The following PGAP4 variants were observed in gnomAD, a reference collection of about 807,000 sequenced individuals.
PGAP4 encodes the protein post-GPI attachment to proteins GalNAc transferase 4.
A neutral mutation model predicts 28.2 loss-of-function variants in PGAP4; 12 were observed. The observed-to-expected ratio is 0.42, with a 90% CI of 0.27 to 0.69. The LOEUF (loss-of-function observed/expected upper bound fraction) is 0.69, where lower values mean the gene tolerates loss of function less well. PGAP4 is among the 30% of genes least tolerant of loss of function. The probability of loss-of-function intolerance (pLI) is 0.22; values close to 1 mark genes in which losing one functional copy is unlikely to be tolerated. For missense variants in PGAP4, 425 were observed against 513.5 expected, an observed-to-expected ratio of 0.83 and a Z score of 1.67; for synonymous variants, 205 against 211.8, an observed-to-expected ratio of 0.97 and a Z score of 0.28.
intron 1 of PGAP4, among the ~76,000 whole-genome samples, chr9:101,480,906 G>A (rs1403137192): frequency 6.6e-6 from 1 of 152,196 alleles, no homozygotes; most frequent in African/African-American, 2.4e-5. Flanking sequence ...GCTGGATGTG[G>A]TGCCTGAAGC....
rs532086212 is a variant in PGAP4, at chr9:101,475,766, A to G, written c.*115T>C. 156 of 1,188,128 alleles carry G rather than the reference A, an allele frequency of 1.3e-4. 2 individuals are homozygous for G. In the South Asian group the frequency reaches 2.2e-3, roughly 17 times the overall value. The allele number at this position is 1,188,128 out of a possible 1,614,324, so 73.6% of individuals were successfully genotyped here. A position where few individuals can be genotyped will look rare whatever the true frequency, so the allele number is the denominator to read the frequency against. ...AGGTTCCTCAGCTGCCCCAGTGCCTATATCTCTAACAACAGTAAACAGTGA... is the reference window on the plus strand; with the variant it reads ...AGGTTCCTCAGCTGCCCCAGTGCCTGTATCTCTAACAACAGTAAACAGTGA... On this transcript the variant is annotated 3_prime_UTR_variant, in exon 2 of 2. Coordinates refer to ENST00000374848, the MANE Select transcript of PGAP4 (RefSeq NM_032342.3).
At chr9:101,529,807 A>G (rs1411026018) in intron 2 of PGAP4, among the ~76,000 whole-genome samples, 1 of 152,214 alleles carries the variant, frequency 6.6e-6, no homozygotes, top group Non-Finnish European at 1.5e-5. Context: ...GTGGACCTGG[A>G]CATCATTACC....
At chr9:101,524,966 C>A (rs1320109268) in intron 2 of PGAP4, among the ~76,000 whole-genome samples, 1 of 152,208 alleles carries the variant, frequency 6.6e-6, no homozygotes, top group African/African-American at 2.4e-5. Context: ...GAGCGGCAAT[C>A]TAGTCCTGCC....
Position 101,476,673 on chromosome 9 carries a change from T to G in PGAP4, c.420A>C (p.Gln140His). 1 of 1,614,010 alleles carries G rather than the reference T, an allele frequency of 6.2e-7. No individual in the cohort carries two copies. Residue 140 changes from glutamine (Q) to histidine (H), a missense_variant, in exon 2 of 2, where the codon CAA (glutamine) becomes CAC (histidine). Physicochemically the swap from Gln to His is conservative, Grantham distance 24. Coordinates refer to ENST00000374848, the MANE Select transcript of PGAP4 (RefSeq NM_032342.3). The surrounding 1 kb of genome is among the most constrained non-coding windows in gnomAD (Gnocchi z 7.0). ...TACGCTCCACGTTGCACAGGAAGAG[T>G]TGGTGCCCCTCGCACTGGGGGCCAC... Reference protein sequence around the residue: ...QQCGPQCEGHQLFLCNVERSV... With the variant: ...QQCGPQCEGHHLFLCNVERSV...
upstream of PGAP4, among the ~76,000 whole-genome samples, chr9:101,491,298 A>T (rs1406175362): frequency 6.6e-6 from 1 of 152,108 alleles, no homozygotes; most frequent in Non-Finnish European, 1.5e-5. Flanking sequence ...CCGATAATAG[A>T]TGTGCAGTAT....
chr9:101,477,043 C>T lies in PGAP4; in HGVS notation c.50G>A (p.Arg17Gln), dbSNP rs146931036. 7.5e-5 allele frequency: 121 copies of T among 1,610,034 alleles called. No individual in the cohort carries two copies. The highest frequency in any genetic ancestry group is 9.8e-5 in the Non-Finnish European group (116 of 1,178,644). The change falls in exon 2 of 2, where the codon CGA becomes CAA. Residue 17 changes from arginine (R) to glutamine (Q), a missense_variant. Physicochemically the swap from Arg to Gln is conservative, Grantham distance 43. Coordinates refer to ENST00000374848, the MANE Select transcript of PGAP4 (RefSeq NM_032342.3). ...PAAMLLRRLR[R>Q]LSWGSTAVQL... is the part of the protein sequence containing the mutation. The stretch of plus-strand genomic sequence containing the variant: ...GACAGCAGTGCTGCCCCAGGAGAGT[C>T]GCCGCAGCCTCCGGAGGAGCATGGC...
At chr9:101,499,268 G>T (rs1283288605) in intron 2 of PGAP4, among the ~76,000 whole-genome samples, 2 of 152,004 alleles carry the variant, frequency 1.3e-5, no homozygotes, top group East Asian at 3.9e-4. Context: ...AAGGTGAGCT[G>T]TGGAAGTGGA....
At chr9:101,530,497 A>G (rs200875356) in intron 2 of PGAP4, among the ~76,000 whole-genome samples, 2 of 152,276 alleles carry the variant, frequency 1.3e-5, no homozygotes, top group East Asian at 3.8e-4. Flanking sequence ...GTGAAATAAA[A>G]TATTAAGTAT....
At chr9:101,495,456 T>C (rs987706607) in intron 2 of PGAP4, among the ~76,000 whole-genome samples, 5 of 132,258 alleles carry the variant, frequency 3.8e-5, no homozygotes, top group Middle Eastern at 7.4e-3. Flanking sequence ...ATATTATATA[T>C]ACTTATATTT....
At position 101,494,232 on chromosome 9, in the gene PGAP4, A is replaced by C. The variant is rs979123683; in HGVS notation, c.-164-5032T>G. On this transcript the variant is annotated intron_variant, in intron 2 of 3. Transcript: ENST00000374851. ...GTTAAAGCCTTGTTAATATAACCAA[A>C]GTTTTAAAGCATATTTTGTTTATAA... Among the ~76,000 whole-genome samples, 128 of 152,092 alleles carry C rather than the reference A, an allele frequency of 8.4e-4. 1 individual carries two copies. The highest frequency in any genetic ancestry group is 2.8e-3 in the African/African-American group (117 of 41,564).
In PGAP4 at chr9:101,473,322, C is replaced by T. The variant is rs1826207554; in HGVS notation, c.*2559G>A. The stretch of plus-strand genomic sequence containing the variant: ...TCCACCCTTCTAGTAACCTATATCC[C>T]TTGATATGGGAAGGATATCTTAGTT... On this transcript the variant is annotated 3_prime_UTR_variant, in exon 2 of 2. Coordinates refer to ENST00000374848, the MANE Select transcript of PGAP4 (RefSeq NM_032342.3). 2 of 152,194 alleles carry T rather than the reference C, an allele frequency of 1.3e-5. No homozygotes were observed. The highest frequency in any genetic ancestry group is 4.8e-5 in the African/African-American group (2 of 41,446). The allele number at this position is 152,194 out of a possible 1,614,324, so 9.4% of individuals were successfully genotyped here.
intron 2 of PGAP4, among the ~76,000 whole-genome samples, chr9:101,525,084 A>C (rs773780395): frequency 6.6e-6 from 1 of 152,180 alleles, no homozygotes; most frequent in African/African-American, 2.4e-5. Flanking sequence ...ATACGAGTGC[A>C]TGTCTTTTTG....
intron 2 of PGAP4, among the ~76,000 whole-genome samples, chr9:101,513,424 C>G (rs1182359813): frequency 2.0e-5 from 3 of 152,090 alleles, no homozygotes. Flanking sequence ...TTGATTAGCC[C>G]AAACTAACAT....
intron 1 of PGAP4, among the ~76,000 whole-genome samples, chr9:101,482,774 T>C (rs960442732): frequency 6.6e-6 from 1 of 152,172 alleles, no homozygotes; most frequent in African/African-American, 2.4e-5. Flanking sequence ...TCTCTTTTTT[T>C]CCCCTCAAGT....
chr9:101,505,479 T>C (rs767238371), intron 2 of PGAP4, among the ~76,000 whole-genome samples: 2 of 152,126 alleles, frequency 1.3e-5, no homozygotes, highest in Admixed American at 6.6e-5. Context: ...GTATGATTGA[T>C]AGGAGTCCTA....
chr9:101,531,525 G>C (rs1827089594), exon 2 of PGAP4: 1 of 152,144 alleles, frequency 6.6e-6, no homozygotes, highest in Non-Finnish European at 1.5e-5. Context: ...ATGATCTCAG[G>C]AAGCCTCCAA....
At chr9:101,492,214 G>A (rs562995699) in intron 2 of PGAP4, among the ~76,000 whole-genome samples, 2 of 149,780 alleles carry the variant, frequency 1.3e-5, no homozygotes, top group South Asian at 2.1e-4. Flanking sequence ...TTTTTTTTGA[G>A]ACGGAGTCTC....
At chr9:101,515,496 G>A (rs1442641765) in intron 2 of PGAP4, among the ~76,000 whole-genome samples, 3 of 152,180 alleles carry the variant, frequency 2.0e-5, no homozygotes, top group Non-Finnish European at 2.9e-5. Flanking sequence ...TTATTCAGAT[G>A]TGTAGGCATG....
Position 101,506,413 on chromosome 9 carries a change from A to T in PGAP4, c.-164-17213T>A, listed in dbSNP as rs573565471. Among the ~76,000 whole-genome samples, 3 of 152,236 alleles carry T rather than the reference A, an allele frequency of 2.0e-5. No homozygotes were observed. In the South Asian group the frequency reaches 6.2e-4, roughly 32 times the overall value. On this transcript the variant is annotated intron_variant, in intron 2 of 3. Coordinates refer to the PGAP4 transcript ENST00000374851. ...GAAGAATTTGCTTCTCAACCTATAC[A>T]AGTGACTCAAGGCCCTTTTCTGAAA...
Sources: allele counts gnomAD v4.1 joint callset (sites outside exome capture counted in the v4.1 genomes callset), GRCh38; gene constraint gnomAD v4.1.1; non-coding constraint Gnocchi (gnomAD v3.1); transcripts MANE v1.5; gene names NCBI Gene and HGNC (gene_info 2026-07-23, HGNC 2026-07-21).